Variants in TRIM66 observed in about 807,000 individuals in gnomAD.
TRIM66 encodes tripartite motif-containing protein 66.
In TRIM66, 99 loss-of-function variants were observed where a neutral mutation model predicts 148.2. The observed-to-expected ratio is 0.67, with a 90% CI of 0.57 to 0.79. TRIM66 has a LOEUF of 0.79. Among genes scored for constraint, TRIM66 ranks in the 30% least tolerant of loss-of-function variants. The pLI is 0.00. For missense variants in TRIM66, 1,666 were observed against 1,697.9 expected (o/e 0.98, Z 0.33); for synonymous variants, 616 against 635.9 (o/e 0.97, Z 0.47).
chr11:8,621,371 C>A (rs2034196801), intron 19 of TRIM66, 50 bp from the exon 20 acceptor site: 2 of 1,512,398 alleles, frequency 1.3e-6, no homozygotes, highest in African/African-American at 1.4e-5. Flanking sequence ...CCAACAAGCT[C>A]TCGAGGGAGG....
chr11:8,675,949 G>C (rs1372042176), intron 3 of TRIM66, among the ~76,000 whole-genome samples: 1 of 152,140 alleles, frequency 6.6e-6, no homozygotes, highest in East Asian at 1.9e-4. Flanking sequence ...ATGTTGGCCA[G>C]GATGGTCTCA....
chr11:8,630,626 C>G (rs960410572), intron 15 of TRIM66, among the ~76,000 whole-genome samples: 3 of 152,016 alleles, frequency 2.0e-5, no homozygotes, highest in African/African-American at 7.3e-5. Flanking sequence ...GCCTACAGAG[C>G]CCCCTCTTAC....
At chr11:8,620,329 T>C (rs987473444) in intron 21 of TRIM66, 117 bp downstream of exon 21, 77 of 1,465,908 alleles carry the variant, frequency 5.3e-5, no homozygotes, top group Non-Finnish European at 5.9e-5. Flanking sequence ...TTGTCAGGCA[T>C]AGGACGAAGA....
chr11:8,631,809 G>T (rs1401503316), intron 15 of TRIM66, among the ~76,000 whole-genome samples: 1 of 152,202 alleles, frequency 6.6e-6, no homozygotes, highest in Non-Finnish European at 1.5e-5. Context: ...ATGAGTTTAT[G>T]ATTTCCTACA....
intron 6 of TRIM66, among the ~76,000 whole-genome samples, chr11:8,668,392 T>G (rs1368580344): frequency 6.6e-6 from 1 of 152,122 alleles, no homozygotes; most frequent in Non-Finnish European, 1.5e-5. Flanking sequence ...TTCCATGGGT[T>G]GACTGAGTAG....
intron 3 of TRIM66, chr11:8,679,290 G>T (rs545225911): frequency 6.6e-6 from 1 of 152,324 alleles, no homozygotes; most frequent in African/African-American, 2.4e-5. Context: ...GAAGGAGAGG[G>T]AGCTGGATAG....
Position 8,672,230 on chromosome 11 carries a change from T to G in TRIM66, c.27+18A>C. The G allele has an allele frequency of 6.5e-7, 1 of 1,536,160 alleles. No homozygotes were observed. Among genetic ancestry groups the G allele is most frequent in the Non-Finnish European group, 8.7e-7 (1 of 1,146,906 alleles). On this transcript the variant is annotated intron_variant, in intron 5 of 24. Coordinates refer to ENST00000646038, the MANE Select transcript of TRIM66 (RefSeq NM_001388022.1). ...CTCTCCAGAGCTGGAGGCTCATGCC[T>G]CAGCCTCAGTTCCTCACCTGGGACC... is the stretch of plus-strand genomic sequence containing the variant.
intron 6 of TRIM66, among the ~76,000 whole-genome samples, chr11:8,667,603 T>C (rs2038680456): frequency 6.6e-6 from 1 of 152,192 alleles, no homozygotes; most frequent in Admixed American, 6.5e-5. Flanking sequence ...ATCACCTTTC[T>C]AGTTTCTATC....
intron 17 of TRIM66, 105 bp downstream of exon 17, chr11:8,624,254 C>T (rs1243500468): frequency 1.5e-5 from 19 of 1,295,070 alleles, no homozygotes; most frequent in Admixed American, 1.1e-4. Context: ...AGATGCACTG[C>T]TTCCCCAGCT....
At chr11:8,648,153 G>T in intron 9 of TRIM66, 67 bp from the exon 10 acceptor site, 1 of 1,366,720 alleles carries the variant, frequency 7.3e-7, no homozygotes. Context: ...CAACCAAGCG[G>T]GAATCTCCAC....
chr11:8,637,677 T>A (rs978078840), intron 15 of TRIM66, among the ~76,000 whole-genome samples: 1 of 152,190 alleles, frequency 6.6e-6, no homozygotes, highest in African/African-American at 2.4e-5. Context: ...GCAACCAGCA[T>A]AGCTGGGCTG....
chr11:8,682,914 G>T, upstream of TRIM66: 1 of 1,439,648 alleles, frequency 6.9e-7, no homozygotes, highest in Non-Finnish European at 9.4e-7. Context: ...CATGGTCGGG[G>T]CTTCCAGGCT....
rs2037066238 is a variant in TRIM66 at position 8,648,519 on chromosome 11, A to G, written c.622T>C (p.Leu208=). The change falls in exon 9 of 25, where the codon TTG becomes CTG. Residue 208 remains leucine (L), a synonymous_variant. Coordinates refer to ENST00000646038, the MANE Select transcript of TRIM66 (RefSeq NM_001388022.1). ...GVNGGPGDFT[L]YCPLHTQEVL... ...TCCTGTGTGTGTAGAGGACAATACA[A>G]GGTGAAGTCTCCGGGACCACCATTC... 6.4e-7 allele frequency: 1 copy of G among 1,551,708 alleles called. No individual in the cohort carries two copies. Among genetic ancestry groups the G allele is most frequent in the Non-Finnish European group, 8.7e-7 (1 of 1,147,002 alleles).
chr11:8,618,981 G>A lies in TRIM66; in HGVS notation c.3901-13C>T. 1.9e-6 allele frequency: 3 copies of A among 1,550,072 alleles called. No individual in the cohort carries two copies. The highest frequency in any genetic ancestry group is 2.6e-6 in the Non-Finnish European group (3 of 1,145,800). On this transcript the variant is annotated splice_polypyrimidine_tract_variant and intron_variant, in intron 23 of 24. Coordinates refer to ENST00000646038, the MANE Select transcript of TRIM66 (RefSeq NM_001388022.1). ...CCTCGGAGTCAGGCTGATGGGGGAGGAGAGCAGTGATGGTCTAGCCTGTTT... is the reference window on the plus strand; with the variant it reads ...CCTCGGAGTCAGGCTGATGGGGGAGAAGAGCAGTGATGGTCTAGCCTGTTT...
chr11:8,621,834 A>G lies in TRIM66; in HGVS notation c.3081-15T>C. 6.5e-7 allele frequency: 1 copy of G among 1,529,890 alleles called. No individual in the cohort carries two copies. Among genetic ancestry groups the G allele is most frequent in the Non-Finnish European group, 8.8e-7 (1 of 1,137,630 alleles). 94.8% of individuals were successfully genotyped at this position (1,529,890 alleles called of 1,614,324 possible). ...TATTGAAGGCTCTGCAGCAAGACAG[A>G]CACCCCGGGGTCTTGGTGGGATCCT... is the stretch of plus-strand genomic sequence containing the variant. On this transcript the variant is annotated splice_polypyrimidine_tract_variant and intron_variant, in intron 18 of 24. Transcript: ENST00000646038.
intron 6 of TRIM66, chr11:8,658,699 A>G: frequency 1.1e-6 from 1 of 896,922 alleles, no homozygotes; most frequent in Non-Finnish European, 1.3e-6. Context: ...TCAGCCCCAC[A>G]CTGCTGCAGC....
intron 15 of TRIM66, among the ~76,000 whole-genome samples, chr11:8,631,539 G>C (rs997753292): frequency 3.3e-5 from 5 of 152,200 alleles, no homozygotes; most frequent in African/African-American, 7.2e-5. Flanking sequence ...GAATTTGGAT[G>C]AACCAATAAG....
chr11:8,640,308 CTGAAG>C lies in TRIM66; in HGVS notation c.2062_2066del (p.Leu688AlafsTer31). ...AGTTGATCTGCCCCACAATGGTTTG[CTGAAG>C]ATGCTGAGGAGATTTGGTCTGACTC... On this transcript the variant is annotated frameshift_variant, in exon 14 of 25. Coordinates refer to ENST00000646038, the MANE Select transcript of TRIM66 (RefSeq NM_001388022.1). LOFTEE classifies it high-confidence loss of function. 1 of 1,551,704 alleles carries C rather than the reference CTGAAG, an allele frequency of 6.4e-7. No individual in the cohort carries two copies. Among genetic ancestry groups the C allele is most frequent in the Non-Finnish European group, 8.7e-7 (1 of 1,147,020 alleles).
At chr11:8,663,958 CAG>C (rs1257923558) in intron 6 of TRIM66, among the ~76,000 whole-genome samples, 2 of 152,182 alleles carry the variant, frequency 1.3e-5, no homozygotes, top group Non-Finnish European at 2.9e-5. Context: ...GAGCAGCTAC[CAG>C]GGGCTAGAGT....
Sources: allele counts gnomAD v4.1 joint callset (sites outside exome capture counted in the v4.1 genomes callset), GRCh38; gene constraint gnomAD v4.1.1; transcripts MANE v1.5; gene names NCBI Gene and HGNC (gene_info 2026-07-23, HGNC 2026-07-21).